C12orf42: variants seen among roughly 807,000 people sequenced by gnomAD.
C12orf42 encodes chromosome 12 open reading frame 42, also known as uncharacterized protein C12orf42.
Under a neutral mutation model 21.6 loss-of-function variants are expected in C12orf42, and 25 were observed. That is an observed-to-expected ratio of 1.16 (90% CI 0.84 to 1.62). The LOEUF (loss-of-function observed/expected upper bound fraction) is 1.62, where lower values mean the gene tolerates loss of function less well. Ranked by LOEUF, C12orf42 falls within the 40% of genes most tolerant of loss-of-function variation. C12orf42 has a pLI of 0.00. For missense variants in C12orf42, 483 were observed against 459.3 expected, an observed-to-expected ratio of 1.05 and a Z score of -0.47; for synonymous variants, 174 against 175.0, an observed-to-expected ratio of 0.99 and a Z score of 0.05.
At chr12:103,088,443 G>T in the C12orf42 span, among the ~76,000 whole-genome samples, 12 of 152,300 alleles carry the variant, frequency 7.9e-5, no homozygotes, top group African/African-American at 2.9e-4. Flanking sequence ...CTTTGCTTTT[G>T]CATAGACTGA....
At chr12:103,405,507 T>C (rs542035444) in intron 2 of C12orf42, among the ~76,000 whole-genome samples, 19 of 152,296 alleles carry the variant, frequency 1.2e-4, no homozygotes, top group African/African-American at 3.6e-4. Flanking sequence ...ACTGGAGTCT[T>C]GATCATGCTC....
the C12orf42 span, among the ~76,000 whole-genome samples, chr12:103,167,795 G>GAA: frequency 6.8e-6 from 1 of 147,660 alleles, no homozygotes; most frequent in African/African-American, 2.5e-5. Flanking sequence ...AACAGTAAAT[G>GAA]AAAAAAAAAT....
At chr12:103,193,899 T>A in the C12orf42 span, among the ~76,000 whole-genome samples, 3 of 152,132 alleles carry the variant, frequency 2.0e-5, no homozygotes, top group African/African-American at 2.4e-5. Flanking sequence ...GCCATTATCC[T>A]TGATGAACAT....
chr12:103,418,294 C>G (rs2049545300), intron 2 of C12orf42, among the ~76,000 whole-genome samples: 1 of 152,108 alleles, frequency 6.6e-6, no homozygotes, highest in Admixed American at 6.6e-5. Context: ...AAGCCAGATA[C>G]CAGCAGGCAT....
At chr12:103,119,594 G>A in the C12orf42 span, among the ~76,000 whole-genome samples, 12 of 152,118 alleles carry the variant, frequency 7.9e-5, no homozygotes, top group South Asian at 2.1e-4. Context: ...TCATTGTGCC[G>A]CGTCTGTCTT....
Position 103,329,089 on chromosome 12 carries a change from G to A in C12orf42, c.260-22744C>T, listed in dbSNP as rs533895691. The stretch of plus-strand genomic sequence containing the variant: ...ATGCATTTAGAGCTATGGCAGGGAC[G>A]CAGGCATGCATTCAGAGCTATGGCA... On this transcript the variant is annotated intron_variant, in intron 4 of 5. Coordinates refer to ENST00000548883, the MANE Select transcript of C12orf42 (RefSeq NM_198521.5). Among the ~76,000 whole-genome samples, 813 of 151,270 alleles carry A rather than the reference G, an allele frequency of 5.4e-3. 1 individual carries two copies. The highest frequency in any genetic ancestry group is 7.2e-3 in the Non-Finnish European group (488 of 67,402).
chr12:103,440,697 C>G (rs1186200859), intron 2 of C12orf42, among the ~76,000 whole-genome samples: 1 of 152,072 alleles, frequency 6.6e-6, no homozygotes, highest in East Asian at 1.9e-4. Flanking sequence ...AAGAGTGGCA[C>G]AGAATTAAAA....
intron 4 of C12orf42, among the ~76,000 whole-genome samples, chr12:103,287,784 C>G (rs932476914): frequency 2.0e-5 from 3 of 151,100 alleles, no homozygotes; most frequent in African/African-American, 7.3e-5. Context: ...CCTACGCACA[C>G]AAACACACAC....
the C12orf42 span, among the ~76,000 whole-genome samples, chr12:103,171,343 G>C: frequency 4.0e-3 from 606 of 152,218 alleles, 7 homozygotes; most frequent in African/African-American, 0.014. Context: ...GGCATTGTCT[G>C]CCTTGTTCAC....
At chr12:103,310,476 G>C (rs78812078) in intron 4 of C12orf42, among the ~76,000 whole-genome samples, 2 of 152,172 alleles carry the variant, frequency 1.3e-5, no homozygotes, top group East Asian at 3.8e-4. Context: ...AGTTTTAAAT[G>C]TTGGTAACAT....
At chr12:103,155,152 G>A in the C12orf42 span, 8 of 152,048 alleles carry the variant, frequency 5.3e-5, no homozygotes, top group Non-Finnish European at 1.5e-5. Context: ...CTTAGTTTAG[G>A]CCCTTGAAGA....
intron 4 of C12orf42, among the ~76,000 whole-genome samples, chr12:103,360,037 T>C (rs971065776): frequency 6.6e-6 from 1 of 151,356 alleles, no homozygotes; most frequent in Non-Finnish European, 1.5e-5. Flanking sequence ...ACTTAGATGA[T>C]TGTAATAGCT....
At chr12:103,177,480 A>G in the C12orf42 span, among the ~76,000 whole-genome samples, 6 of 152,192 alleles carry the variant, frequency 3.9e-5, no homozygotes, top group Non-Finnish European at 8.8e-5. Flanking sequence ...AGGGACCCCA[A>G]GGAACTAAAA....
the C12orf42 span, chr12:103,559,826 G>C: frequency 6.6e-6 from 1 of 152,152 alleles, no homozygotes; most frequent in African/African-American, 2.4e-5. Flanking sequence ...GCAAATGAGT[G>C]AATGGAATGA....
the C12orf42 span, among the ~76,000 whole-genome samples, chr12:103,132,730 C>T: frequency 1.3e-5 from 2 of 152,176 alleles, no homozygotes; most frequent in Non-Finnish European, 2.9e-5. Flanking sequence ...TCATTGCCTT[C>T]AGCAGTGTAG....
intron 4 of C12orf42, among the ~76,000 whole-genome samples, chr12:103,355,096 GAACTCA>G (rs1482590592): frequency 2.0e-5 from 3 of 151,996 alleles, no homozygotes; most frequent in Non-Finnish European, 4.4e-5. Flanking sequence ...CTGTATCATA[GAACTCA>G]TTGTCAGCTG....
At chr12:103,249,709 G>C (rs1565994214) in intron 10 of C12orf42, among the ~76,000 whole-genome samples, 1 of 152,074 alleles carries the variant, frequency 6.6e-6, no homozygotes, top group Non-Finnish European at 1.5e-5. Flanking sequence ...TATTAAATAA[G>C]AGAACAAACT....
rs938466656 is a variant in C12orf42 at position 103,430,956 on chromosome 12, C to T, written c.79-29281G>A. ...GGGAGGGGAATATCACAAACTGGGG[C>T]CTGTTGAGGGGTAGGGAGATAGGGA... On this transcript the variant is annotated intron_variant, in intron 2 of 5. Transcript: ENST00000548883. Among the ~76,000 whole-genome samples the T allele has an allele frequency of 5.3e-5, 8 of 151,928 alleles. No individual in the cohort carries two copies. The East Asian group carries it at 1.5e-3, about 29-fold the overall frequency.
At chr12:103,365,668 G>A (rs886349003) in intron 4 of C12orf42, among the ~76,000 whole-genome samples, 1 of 151,890 alleles carries the variant, frequency 6.6e-6, no homozygotes, top group Non-Finnish European at 1.5e-5. Context: ...TAGTAGCTCT[G>A]CTAAACACCA....
Sources: allele counts gnomAD v4.1 joint callset (sites outside exome capture counted in the v4.1 genomes callset), GRCh38; gene constraint gnomAD v4.1.1; transcripts MANE v1.5; gene names NCBI Gene and HGNC (gene_info 2026-07-23, HGNC 2026-07-21).